The following FZD1 variants were observed in gnomAD, a reference collection of about 807,000 sequenced individuals.
The protein encoded by FZD1 is frizzled-1.
In FZD1, 22 loss-of-function variants were observed where a neutral mutation model predicts 48.0. The ratio of observed to expected loss-of-function variants is 0.46; its 90% CI spans 0.33 to 0.65. The LOEUF (loss-of-function observed/expected upper bound fraction) is 0.65. Among genes scored for constraint, FZD1 ranks in the 30% least tolerant of loss-of-function variants. The pLI, the probability that FZD1 is intolerant of heterozygous loss-of-function variation, is 0.02. For missense variants in FZD1, 843 were observed against 898.1 expected, an observed-to-expected ratio of 0.94 and a Z score of 0.78; for synonymous variants, 486 against 409.6, an observed-to-expected ratio of 1.19 and a Z score of -2.25.
Position 91,270,705 on chromosome 7 carries a change from C to G in FZD1, c.*3881C>G, listed in dbSNP as rs556529221. 2 of 165,888 alleles carry G rather than the reference C, an allele frequency of 1.2e-5. No individual in the cohort carries two copies. Among genetic ancestry groups the G allele is most frequent in the South Asian group, 4.1e-4 (2 of 4,826 alleles). The allele number at this position is 165,888 out of a possible 1,614,324, so 10.3% of individuals were successfully genotyped here. On this transcript the variant is annotated 3_prime_UTR_variant, in exon 1 of 1. Coordinates refer to ENST00000287934, the MANE Select transcript of FZD1 (RefSeq NM_003505.2). ...TTTTGCTTTCTAATCCATCTATTGA[C>G]TATTGGCCACAATTTATATAATGCA...
rs764859574 is a variant in FZD1 at position 91,264,904 on chromosome 7, G to A, written c.24G>A (p.Lys8=). The A allele has an allele frequency of 1.5e-6, 2 of 1,321,364 alleles. No homozygotes were observed. Among genetic ancestry groups the A allele is most frequent in the Non-Finnish European group, 1.9e-6 (2 of 1,040,900 alleles). The allele number at this position is 1,321,364 out of a possible 1,614,324, so 81.9% of individuals were successfully genotyped here. A position where few individuals can be genotyped will look rare whatever the true frequency, so the allele number is the denominator to read the frequency against. The stretch of plus-strand genomic sequence containing the variant: ...GTATGGCTGAGGAGGAGGCGCCTAA[G>A]AAGTCCCGGGCCGCCGGCGGTGGCG... MAEEEAP[K]KSRAAGGGAS... is the part of the protein sequence containing the mutation. Residue 8 remains lysine, a synonymous_variant, in exon 1 of 1, where the codon AAG becomes AAA. Transcript: ENST00000287934.
Position 91,265,979 on chromosome 7 carries a change from G to C in FZD1, c.1099G>C (p.Val367Leu). 1 of 1,614,126 alleles carries C rather than the reference G, an allele frequency of 6.2e-7. No individual in the cohort carries two copies. The highest frequency in any genetic ancestry group is 2.2e-5 in the East Asian group (1 of 44,874). Residue 367 changes from valine to leucine, a missense_variant, in exon 1 of 1, where the codon GTG becomes CTG. Physicochemically the swap from Val to Leu is conservative, Grantham distance 32. This residue lies in a region of FZD1 where 353 missense variants were observed against 431.6 expected (regional missense o/e 0.82). Transcript: ENST00000287934. The surrounding 1 kb of genome is among the most constrained non-coding windows in gnomAD (Gnocchi z 6.9). ...GTCCGGCTGTTACACGGCCGTGGCCGTGGCCTACATCGCCGGCTTCCTCCT... is the reference window on the plus strand; with the variant it reads ...GTCCGGCTGTTACACGGCCGTGGCCCTGGCCTACATCGCCGGCTTCCTCCT... ...FLSGCYTAVA[V>L]AYIAGFLLED...
In FZD1 at chr7:91,265,377, A is replaced by G. The variant is rs745620349; in HGVS notation, c.497A>G (p.Lys166Arg). 4.2e-5 allele frequency: 68 copies of G among 1,613,954 alleles called. No individual in the cohort carries two copies. Among genetic ancestry groups the G allele is most frequent in the Non-Finnish European group, 5.2e-5 (61 of 1,179,898 alleles). ...AAAGTGCAGTGTTCCGCTGAGCTCA[A>G]GTTCTTCCTGTGCTCCATGTACGCG... ...LVKVQCSAEL[K>R]FFLCSMYAPV... Residue 166 changes from lysine (K) to arginine (R), a missense_variant, in exon 1 of 1, where the codon AAG (lysine) becomes AGG (arginine). By Grantham distance (26) the Lys-to-Arg change is conservative. Transcript: ENST00000287934. The surrounding 1 kb of genome is among the most constrained non-coding windows in gnomAD (Gnocchi z 6.9).
At position 91,265,718 on chromosome 7, in the gene FZD1, C is replaced by G; in HGVS notation, c.838C>G (p.Leu280Val). The change falls in exon 1 of 1, where the codon CTC (leucine) becomes GTC (valine). Residue 280 changes from leucine (L) to valine (V), a missense_variant. Physicochemically the swap from Leu to Val is conservative, Grantham distance 32 (BLOSUM62 1). Coordinates refer to ENST00000287934, the MANE Select transcript of FZD1 (RefSeq NM_003505.2). The surrounding 1 kb of genome is among the most constrained non-coding windows in gnomAD (Gnocchi z 6.9). ...ERGKFSCPRA[L>V]KVPSYLNYHF... ...AGGCAAGTTCTCCTGCCCGCGCGCC[C>G]TCAAGGTGCCCTCCTACCTCAACTA... 1 of 1,608,644 alleles carries G rather than the reference C, an allele frequency of 6.2e-7. No individual in the cohort carries two copies. The highest frequency in any genetic ancestry group is 8.5e-7 in the Non-Finnish European group (1 of 1,177,732).
chr7:91,266,793 C>G lies in FZD1; in HGVS notation c.1913C>G (p.Thr638Ser). ...NSWRKFYTRL[T>S]NSKQGETTV ...TGGAGGAAGTTCTACACGAGGCTCA[C>G]CAACAGCAAACAAGGGGAGACTACA... Residue 638 changes from threonine to serine, a missense_variant, in exon 1 of 1, where the codon ACC becomes AGC. By Grantham distance (58) the Thr-to-Ser change is moderately conservative (BLOSUM62 1). Coordinates refer to ENST00000287934, the MANE Select transcript of FZD1 (RefSeq NM_003505.2). The surrounding 1 kb of genome is among the most constrained non-coding windows in gnomAD (Gnocchi z 6.8). 1 of 1,604,328 alleles carries G rather than the reference C, an allele frequency of 6.2e-7. No individual in the cohort carries two copies. Among genetic ancestry groups the G allele is most frequent in the Non-Finnish European group, 8.5e-7 (1 of 1,174,256 alleles).
chr7:91,265,042 G>A lies in FZD1; in HGVS notation c.162G>A (p.Gln54=). The stretch of plus-strand genomic sequence containing the variant: ...TTGACCCCCGGCGATTGGCGCGCCA[G>A]CTGCTGCTGCTGCTTTGGCTGCTGG... ...PPVDPRRLAR[Q]LLLLLWLLEA... Residue 54 remains glutamine, a synonymous_variant, in exon 1 of 1, where the codon CAG becomes CAA. Coordinates refer to ENST00000287934, the MANE Select transcript of FZD1 (RefSeq NM_003505.2). The surrounding 1 kb of genome is among the most constrained non-coding windows in gnomAD (Gnocchi z 6.9). 4 of 1,370,810 alleles carry A rather than the reference G, an allele frequency of 2.9e-6. No individual in the cohort carries two copies. Among genetic ancestry groups the A allele is most frequent in the African/African-American group, 1.5e-5 (1 of 66,002 alleles). 84.9% of individuals were successfully genotyped at this position (1,370,810 alleles called of 1,614,324 possible).
chr7:91,264,781 G>A lies in FZD1; in HGVS notation c.-100G>A. 1 of 746,516 alleles carries A rather than the reference G, an allele frequency of 1.3e-6. No individual in the cohort carries two copies. The highest frequency in any genetic ancestry group is 1.8e-5 in the African/African-American group (1 of 55,062). 46.2% of individuals were successfully genotyped at this position (746,516 alleles called of 1,614,324 possible). A position where few individuals can be genotyped will look rare whatever the true frequency, so the allele number is the denominator to read the frequency against. ...CGAAAGCGGCTTGGGCTCGACGGAG[G>A]GCACCCGCGCAGAGGTCTCCCTGGC... On this transcript the variant is annotated 5_prime_UTR_variant, in exon 1 of 1. Transcript: ENST00000287934.
At position 91,266,435 on chromosome 7, in the gene FZD1, A is replaced by G. The variant is rs892096663; in HGVS notation, c.1555A>G (p.Ile519Val). Residue 519 changes from isoleucine to valine, a missense_variant, in exon 1 of 1, where the codon ATC becomes GTC. Around this residue, in one of 2 missense-constraint regions of FZD1, gnomAD observed 353 missense variants for 431.6 expected, o/e 0.82. Coordinates refer to ENST00000287934, the MANE Select transcript of FZD1 (RefSeq NM_003505.2). This position sits in a 1 kb window ranked among gnomAD's most constrained non-coding sequence, Gnocchi z 6.8. ...TGTGTCGCTCTTCCGCATCCGCACC[A>G]TCATGAAGCACGATGGCACCAAGAC... ...GFVSLFRIRT[I>V]MKHDGTKTEK... The G allele has an allele frequency of 2.5e-6, 4 of 1,614,116 alleles. No homozygotes were observed. Among genetic ancestry groups the G allele is most frequent in the African/African-American group, 1.3e-5 (1 of 75,034 alleles).
chr7:91,265,144 A>G lies in FZD1; in HGVS notation c.264A>G (p.Gln88=), dbSNP rs764541069. The G allele has an allele frequency of 2.0e-5, 32 of 1,565,850 alleles. No individual in the cohort carries two copies. The highest frequency in any genetic ancestry group is 2.4e-5 in the Non-Finnish European group (27 of 1,148,682). Residue 88 remains glutamine, a synonymous_variant, in exon 1 of 1, where the codon CAA becomes CAG. Transcript: ENST00000287934. This position sits in a 1 kb window ranked among gnomAD's most constrained non-coding sequence, Gnocchi z 6.9. ...GCCAGGGGCCCGGGCCGGGGCAGCA[A>G]CCGCCGCCGCCGCCTCAGCAGCAAC... ...GPGQGPGPGQ[Q]PPPPPQQQQS...
At position 91,264,857 on chromosome 7, in the gene FZD1, C is replaced by A; in HGVS notation, c.-24C>A. The A allele has an allele frequency of 7.8e-7, 1 of 1,279,840 alleles. No individual in the cohort carries two copies. Among genetic ancestry groups the A allele is most frequent in the South Asian group, 2.6e-5 (1 of 38,134 alleles). 79.3% of individuals were successfully genotyped at this position (1,279,840 alleles called of 1,614,324 possible). ...GCCCCTGGCAGCCCCAGCGGAGCGG[C>A]GCCAAGAGAGGAGCCGAGAAAGTAT... On this transcript the variant is annotated 5_prime_UTR_variant, in exon 1 of 1. Coordinates refer to ENST00000287934, the MANE Select transcript of FZD1 (RefSeq NM_003505.2).
At position 91,264,617 on chromosome 7, in the gene FZD1, G is replaced by A. The variant is rs1345121174; in HGVS notation, c.-264G>A. The A allele has an allele frequency of 2.6e-6, 1 of 380,636 alleles. No individual in the cohort carries two copies. Among genetic ancestry groups the A allele is most frequent in the Non-Finnish European group, 4.7e-6 (1 of 214,858 alleles). 23.6% of individuals were successfully genotyped at this position (380,636 alleles called of 1,614,324 possible). On this transcript the variant is annotated 5_prime_UTR_variant, in exon 1 of 1. Transcript: ENST00000287934. ...GGCGCCGCCAGCCGGGAGCCAGCGA[G>A]CCGAGGGCCAGGAAGGCGGGACACG...
Position 91,265,206 on chromosome 7 carries a change from C to G in FZD1, c.326C>G (p.Ser109Cys). 6.2e-7 allele frequency: 1 copy of G among 1,613,766 alleles called. No homozygotes were observed. The highest frequency in any genetic ancestry group is 8.5e-7 in the Non-Finnish European group (1 of 1,179,922). ...GQQYNGERGI[S>C]VPDHGYCQPI... ...CAGTACAACGGCGAGCGGGGCATCT[C>G]CGTCCCGGACCACGGCTATTGCCAG... Residue 109 changes from serine (S) to cysteine (C), a missense_variant, in exon 1 of 1, where the codon TCC (serine) becomes TGC (cysteine). Transcript: ENST00000287934. This position sits in a 1 kb window ranked among gnomAD's most constrained non-coding sequence, Gnocchi z 6.9.
rs1004612392 is a variant in FZD1, at chr7:91,270,463, G to GT, written c.*3640dup. ...CTGGCCTGGTCCTTTTGTCTCCACT[G>GT]TAAGTACTGAAGCCTTCTGGTGTAG... On this transcript the variant is annotated 3_prime_UTR_variant, in exon 1 of 1. Coordinates refer to ENST00000287934, the MANE Select transcript of FZD1 (RefSeq NM_003505.2). 6.0e-6 allele frequency: 1 copy of GT among 167,022 alleles called. No homozygotes were observed. The highest frequency in any genetic ancestry group is 1.5e-5 in the Non-Finnish European group (1 of 68,116). 10.3% of individuals were successfully genotyped at this position (167,022 alleles called of 1,614,324 possible).
rs556075598 is a variant in FZD1 at position 91,270,811 on chromosome 7, C to T, written c.*3987C>T. The T allele has an allele frequency of 4.0e-4, 67 of 166,996 alleles. No homozygotes were observed. Among genetic ancestry groups the T allele is most frequent in the Non-Finnish European group, 7.3e-4 (50 of 68,092 alleles). 10.3% of individuals were successfully genotyped at this position (166,996 alleles called of 1,614,324 possible). A position where few individuals can be genotyped will look rare whatever the true frequency, so the allele number is the denominator to read the frequency against. ...ATTATAATAGTCTGTGTAACTGGGG[C>T]CTGAGAGATTAGAAGCAAAATGTAG... On this transcript the variant is annotated 3_prime_UTR_variant, in exon 1 of 1. Coordinates refer to ENST00000287934, the MANE Select transcript of FZD1 (RefSeq NM_003505.2).
rs1200891699 is a variant in FZD1 at position 91,265,004 on chromosome 7, C to T, written c.124C>T (p.Arg42Cys). 7.2e-7 allele frequency: 1 copy of T among 1,395,950 alleles called. No homozygotes were observed. The highest frequency in any genetic ancestry group is 9.3e-7 in the Non-Finnish European group (1 of 1,075,256). 86.5% of individuals were successfully genotyped at this position (1,395,950 alleles called of 1,614,324 possible). ...GGGCAGCGGGGACGCCGGTGGCCGC[C>T]GCCGCCCGCCAGTTGACCCCCGGCG... is the stretch of plus-strand genomic sequence containing the variant. The part of the protein sequence containing the change: ...EEGSGDAGGR[R>C]RPPVDPRRLA... The change falls in exon 1 of 1, where the codon CGC becomes TGC. Residue 42 changes from arginine (R) to cysteine (C), a missense_variant. Arg to Cys is a radical substitution (Grantham distance 180, BLOSUM62 -3). This residue lies in a region of FZD1 where 490 missense variants were observed against 466.5 expected (regional missense o/e 1.05). Transcript: ENST00000287934. The surrounding 1 kb of genome is among the most constrained non-coding windows in gnomAD (Gnocchi z 6.9).
rs1803959970 is a variant in FZD1 at position 91,270,937 on chromosome 7, A to G, written c.*4113A>G. On this transcript the variant is annotated 3_prime_UTR_variant, in exon 1 of 1. Coordinates refer to ENST00000287934, the MANE Select transcript of FZD1 (RefSeq NM_003505.2). ...TTGCAGGATTAATGTGTAGGAACCA[A>G]CATAAGACATGGAATATATATAAGA... 6.0e-6 allele frequency: 1 copy of G among 167,078 alleles called. No homozygotes were observed. Among genetic ancestry groups the G allele is most frequent in the African/African-American group, 2.4e-5 (1 of 41,474 alleles). The allele number at this position is 167,078 out of a possible 1,614,324, so 10.3% of individuals were successfully genotyped here.
At position 91,265,969 on chromosome 7, in the gene FZD1, G is replaced by A; in HGVS notation, c.1089G>A (p.Thr363=). 1 of 1,614,088 alleles carries A rather than the reference G, an allele frequency of 6.2e-7. No individual in the cohort carries two copies. Among genetic ancestry groups the A allele is most frequent in the Non-Finnish European group, 8.5e-7 (1 of 1,179,994 alleles). The change falls in exon 1 of 1, where the codon ACG becomes ACA. Residue 363 remains threonine (T), a synonymous_variant. Coordinates refer to ENST00000287934, the MANE Select transcript of FZD1 (RefSeq NM_003505.2). This position sits in a 1 kb window ranked among gnomAD's most constrained non-coding sequence, Gnocchi z 6.9. ...TCATCTTCTTGTCCGGCTGTTACACGGCCGTGGCCGTGGCCTACATCGCCG... is the reference window on the plus strand; with the variant it reads ...TCATCTTCTTGTCCGGCTGTTACACAGCCGTGGCCGTGGCCTACATCGCCG... ...RPIIFLSGCY[T]AVAVAYIAGF... is the part of the protein sequence containing the mutation.
In FZD1 at chr7:91,270,492, T is replaced by C. The variant is rs1803952717; in HGVS notation, c.*3668T>C. On this transcript the variant is annotated 3_prime_UTR_variant, in exon 1 of 1. Transcript: ENST00000287934. Reference sequence around the variant, plus strand: ...GTACTGAAGCCTTCTGGTGTAGTTGTATCACCTTAATGTCCAGCATTTAAC... The same window carrying C: ...GTACTGAAGCCTTCTGGTGTAGTTGCATCACCTTAATGTCCAGCATTTAAC... 6.0e-6 allele frequency: 1 copy of C among 167,104 alleles called. No homozygotes were observed. The highest frequency in any genetic ancestry group is 1.5e-5 in the Non-Finnish European group (1 of 68,120). 10.4% of individuals were successfully genotyped at this position (167,104 alleles called of 1,614,324 possible). A position where few individuals can be genotyped will look rare whatever the true frequency, so the allele number is the denominator to read the frequency against.
Position 91,265,013 on chromosome 7 carries a change from C to T in FZD1, c.133C>T (p.Pro45Ser). ...GGACGCCGGTGGCCGCCGCCGCCCG[C>T]CAGTTGACCCCCGGCGATTGGCGCG... ...SGDAGGRRRP[P>S]VDPRRLARQL... is the part of the protein sequence containing the mutation. The change falls in exon 1 of 1, where the codon CCA becomes TCA. Residue 45 changes from proline to serine, a missense_variant. Pro to Ser is a moderately conservative substitution (Grantham distance 74, BLOSUM62 -1). Coordinates refer to ENST00000287934, the MANE Select transcript of FZD1 (RefSeq NM_003505.2). This position sits in a 1 kb window ranked among gnomAD's most constrained non-coding sequence, Gnocchi z 6.9. 7.1e-7 allele frequency: 1 copy of T among 1,408,760 alleles called. No individual in the cohort carries two copies. The highest frequency in any genetic ancestry group is 1.5e-5 in the African/African-American group (1 of 66,992). 87.3% of individuals were successfully genotyped at this position (1,408,760 alleles called of 1,614,324 possible).
Sources: gnomAD v4.1 joint callset for allele counts on GRCh38, gnomAD v4.1.1 for gene constraint, gnomAD v4.1.1 regional missense constraint, Gnocchi (gnomAD v3.1) non-coding constraint, MANE v1.5 for transcripts, NCBI Gene and HGNC (gene_info 2026-07-23, HGNC 2026-07-21) for gene names.